Variants in GRID2 observed in about 807,000 individuals in gnomAD.
The protein encoded by GRID2 is glutamate ionotropic receptor delta type subunit 2, also known as glutamate receptor ionotropic, delta-2.
Under a neutral mutation model 114.8 loss-of-function variants are expected in GRID2, and 33 were observed. That is an observed-to-expected ratio of 0.29 (90% confidence interval 0.22 to 0.38). The LOEUF is 0.38. Among genes scored for constraint, GRID2 ranks in the 10% least tolerant of loss-of-function variants. GRID2 has a pLI of 1.00. For missense variants in GRID2, 1,184 were observed against 1,257.7 expected, an observed-to-expected ratio of 0.94 and a Z score of 0.89; for synonymous variants, 505 against 449.9, an observed-to-expected ratio of 1.12 and a Z score of -1.55.
chr4:92,616,416 C>T (rs1045482254), intron 2 of GRID2, among the ~76,000 whole-genome samples: 7 of 151,174 alleles, frequency 4.6e-5, no homozygotes, highest in African/African-American at 1.7e-4. Flanking sequence ...TTTTCTTTGG[C>T]CCTGTCTGTC....
intron 14 of GRID2, among the ~76,000 whole-genome samples, chr4:93,729,609 G>A (rs975821911): frequency 1.3e-5 from 2 of 151,394 alleles, no homozygotes; most frequent in Non-Finnish European, 2.9e-5. Flanking sequence ...GCAGTGGCAC[G>A]ATCTTGGCTC....
intron 4 of GRID2, among the ~76,000 whole-genome samples, chr4:93,184,043 G>A (rs1740155678): frequency 2.0e-5 from 3 of 152,184 alleles, no homozygotes; most frequent in Admixed American, 2.0e-4. Context: ...AACTGTGGAT[G>A]AGGAAGTGAA....
intron 2 of GRID2, among the ~76,000 whole-genome samples, chr4:92,673,922 T>A (rs1733198659): frequency 6.6e-6 from 1 of 152,098 alleles, no homozygotes; most frequent in African/African-American, 2.4e-5. Flanking sequence ...CATGTATACA[T>A]TTGTAACAAA....
intron 2 of GRID2, among the ~76,000 whole-genome samples, chr4:92,924,248 G>T (rs1468457026): frequency 6.6e-6 from 1 of 152,126 alleles, no homozygotes; most frequent in Non-Finnish European, 1.5e-5. Context: ...GGGGACTGTT[G>T]TGTGTTGGGA....
chr4:93,660,410 A>T (rs537949580), intron 14 of GRID2, among the ~76,000 whole-genome samples: 44 of 152,208 alleles, frequency 2.9e-4, no homozygotes, highest in Non-Finnish European at 6.3e-4. Context: ...ATAATGAGAA[A>T]AAAAGGAAGT....
chr4:93,605,833 G>C (rs746625960), intron 13 of GRID2, among the ~76,000 whole-genome samples: 2 of 152,166 alleles, frequency 1.3e-5, no homozygotes, highest in East Asian at 3.9e-4. Flanking sequence ...TGCTGCTTTA[G>C]GAGTAAATAC....
At chr4:93,741,574 T>G (rs960460192) in intron 14 of GRID2, among the ~76,000 whole-genome samples, 1 of 152,104 alleles carries the variant, frequency 6.6e-6, no homozygotes, top group Non-Finnish European at 1.5e-5. Flanking sequence ...ATGGCACACA[T>G]TATTCTTAAA....
rs1726148344 is a variant in GRID2, at chr4:93,046,492, T to C, written c.245-38503T>C. 3.3e-5 allele frequency among the ~76,000 whole-genome samples: 5 copies of C among 152,122 alleles called. No homozygotes were observed. The South Asian group carries it at 1.0e-3, about 31-fold the overall frequency. On this transcript the variant is annotated intron_variant, in intron 2 of 15. Transcript: ENST00000282020. ...ACCATCTTAGCCACCTTGTTGTATG[T>C]ATATAAAAAGTTTAGAAAGTTTACA... is the stretch of plus-strand genomic sequence containing the variant.
intron 1 of GRID2, among the ~76,000 whole-genome samples, chr4:92,339,407 T>C (rs1184708145): frequency 6.6e-6 from 1 of 152,200 alleles, no homozygotes; most frequent in African/African-American, 2.4e-5. Flanking sequence ...TATCCTATGA[T>C]AGCAAAGGAA....
intron 1 of GRID2, among the ~76,000 whole-genome samples, chr4:92,541,179 A>G (rs943665713): frequency 1.3e-5 from 2 of 152,100 alleles, no homozygotes; most frequent in Non-Finnish European, 2.9e-5. Flanking sequence ...GCATTAGTAG[A>G]TATATCTAAT....
rs946167180 is a variant in GRID2 at position 93,558,779 on chromosome 4, C to CA, written c.2193+43376dup. 1.3e-4 allele frequency among the ~76,000 whole-genome samples: 19 copies of CA among 151,690 alleles called. No homozygotes were observed. The South Asian group carries it at 3.3e-3, about 27-fold the overall frequency. ...AAACCAAAACCTGGCAGAAACACAA[C>CA]AAAAAAAAGAAAATTTCAGACCAAT... On this transcript the variant is annotated intron_variant, in intron 13 of 15. Coordinates refer to ENST00000282020, the MANE Select transcript of GRID2 (RefSeq NM_001510.4).
chr4:93,623,525 C>T (rs1742406186), intron 13 of GRID2, among the ~76,000 whole-genome samples: 1 of 152,148 alleles, frequency 6.6e-6, no homozygotes, highest in Non-Finnish European at 1.5e-5. Context: ...ACTGTAAAGA[C>T]ACATGCACCT....
At chr4:92,978,149 A>T (rs1753983798) in intron 2 of GRID2, among the ~76,000 whole-genome samples, 1 of 152,152 alleles carries the variant, frequency 6.6e-6, no homozygotes, top group Non-Finnish European at 1.5e-5. Context: ...TGAAAGGAAA[A>T]TAAGAAAGGA....
In GRID2 at chr4:93,490,630, T is replaced by G. The variant is rs929047486; in HGVS notation, c.1859-9T>G. On this transcript the variant is annotated splice_polypyrimidine_tract_variant and intron_variant, in intron 11 of 15. Coordinates refer to ENST00000282020, the MANE Select transcript of GRID2 (RefSeq NM_001510.4). ...GATGTTCTTTTTATCTCTTTGCTTCTTTCTACAGGCGGGGAAGTCCCGTAC... is the reference window on the plus strand; with the variant it reads ...GATGTTCTTTTTATCTCTTTGCTTCGTTCTACAGGCGGGGAAGTCCCGTAC... 2 of 1,604,736 alleles carry G rather than the reference T, an allele frequency of 1.2e-6. No individual in the cohort carries two copies. The highest frequency in any genetic ancestry group is 1.7e-6 in the Non-Finnish European group (2 of 1,173,518).
chr4:93,562,664 G>A (rs950756059), intron 13 of GRID2, among the ~76,000 whole-genome samples: 17 of 152,014 alleles, frequency 1.1e-4, no homozygotes, highest in African/African-American at 4.1e-4. Flanking sequence ...TTTATAGTGT[G>A]TGTTTTGCAT....
At chr4:92,773,735 C>T (rs955037454) in intron 2 of GRID2, among the ~76,000 whole-genome samples, 7 of 151,630 alleles carry the variant, frequency 4.6e-5, no homozygotes, top group African/African-American at 1.7e-4. Flanking sequence ...TTAAAGAGGC[C>T]ACAGTCACAC....
chr4:93,724,254 A>T (rs1199929065), intron 14 of GRID2, among the ~76,000 whole-genome samples: 1 of 152,158 alleles, frequency 6.6e-6, no homozygotes, highest in Non-Finnish European at 1.5e-5. Context: ...GTTCAAGCGC[A>T]TGCGGGATTG....
chr4:93,676,529 T>A (rs1578538332), intron 14 of GRID2, among the ~76,000 whole-genome samples: 1 of 152,226 alleles, frequency 6.6e-6, no homozygotes, highest in South Asian at 2.1e-4. Context: ...TGCTCACACA[T>A]AAATGGCTGT....
In GRID2 at chr4:92,427,996, C is replaced by T. The variant is rs180748993; in HGVS notation, c.88+123252C>T. Reference sequence around the variant, plus strand: ...AATAGTTTTGGGCCAGGCACGGTGGCTCATGCCTGTAATCCCAGCACTTTG... The same window carrying T: ...AATAGTTTTGGGCCAGGCACGGTGGTTCATGCCTGTAATCCCAGCACTTTG... On this transcript the variant is annotated intron_variant, in intron 1 of 15. Coordinates refer to ENST00000282020, the MANE Select transcript of GRID2 (RefSeq NM_001510.4). 3.2e-4 allele frequency among the ~76,000 whole-genome samples: 48 copies of T among 152,208 alleles called. No individual in the cohort carries two copies. In the East Asian group the frequency reaches 8.9e-3, roughly 28 times the overall value.
Sources: gnomAD v4.1 joint callset for allele counts (sites outside exome capture counted in the v4.1 genomes callset) on GRCh38, gnomAD v4.1.1 for gene constraint, MANE v1.5 for transcripts, NCBI Gene and HGNC (gene_info 2026-07-23, HGNC 2026-07-21) for gene names.